Variants in TMPO observed in about 807,000 individuals in gnomAD.
The protein encoded by TMPO is thymopoietin, also known as LEM domain containing 4.
TMPO carries 22 observed loss-of-function variants against 45.4 expected under a neutral mutation model. The ratio of observed to expected loss-of-function variants is 0.48; its 90% CI spans 0.35 to 0.69. The LOEUF (loss-of-function observed/expected upper bound fraction) is 0.69. Ranked by LOEUF, TMPO falls within the 30% of genes least tolerant of loss-of-function variation. TMPO has a pLI of 0.01. For synonymous variants in TMPO, 241 were observed against 204.1 expected (o/e 1.18, Z -1.54); for missense variants, 512 against 548.8 (o/e 0.93, Z 0.67).
intron 3 of TMPO, chr12:98,534,515 TC>T (rs1877449837): frequency 7.0e-7 from 1 of 1,422,630 alleles, no homozygotes; most frequent in East Asian, 2.6e-5. Context: ...ACTTGTCTTT[TC>T]TAAAGATTTG....
intron 6 of TMPO, 82 bp downstream of exon 6, chr12:98,544,619 G>A: frequency 8.6e-7 from 1 of 1,162,224 alleles, no homozygotes; most frequent in Non-Finnish European, 1.2e-6. Context: ...GTGAATTTTG[G>A]CAAATCTCAA....
rs768496850 is a variant in TMPO, at chr12:98,516,055, C to T, written c.188C>T (p.Pro63Leu). ...LPAGTNSKGPPDFSSDEEREP... is the reference protein window; with the variant it reads ...LPAGTNSKGPLDFSSDEEREP... Reference sequence around the variant, plus strand: ...GCCGGCACCAACAGCAAGGGGCCCCCGGACTTCTCCAGTGACGAAGAGCGC... The same window carrying T: ...GCCGGCACCAACAGCAAGGGGCCCCTGGACTTCTCCAGTGACGAAGAGCGC... Residue 63 changes from proline (P) to leucine (L), a missense_variant, in exon 1 of 9, where the codon CCG becomes CTG. Coordinates refer to ENST00000556029, the MANE Select transcript of TMPO (RefSeq NM_001032283.3). 2 of 1,610,250 alleles carry T rather than the reference C, an allele frequency of 1.2e-6. No homozygotes were observed. Among genetic ancestry groups the T allele is most frequent in the Non-Finnish European group, 1.7e-6 (2 of 1,179,354 alleles).
In TMPO at chr12:98,549,217, TA is replaced by T. The variant is rs1185958808; in HGVS notation, c.*1360del. 2 of 152,176 alleles carry T rather than the reference TA, an allele frequency of 1.3e-5. No individual in the cohort carries two copies. Among genetic ancestry groups the T allele is most frequent in the Admixed American group, 1.3e-4 (2 of 15,276 alleles). The allele number at this position is 152,176 out of a possible 1,614,324, so 9.4% of individuals were successfully genotyped here. A position where few individuals can be genotyped will look rare whatever the true frequency, so the allele number is the denominator to read the frequency against. On this transcript the variant is annotated 3_prime_UTR_variant, in exon 9 of 9. Transcript: ENST00000556029. ...ACTCTTAAGAGGTGGGCATTATGAT[TA>T]TTTTTTATTTTTTTATTTTTTATGA...
At chr12:98,526,175 T>G (rs1876748538) in intron 1 of TMPO, among the ~76,000 whole-genome samples, 1 of 152,220 alleles carries the variant, frequency 6.6e-6, no homozygotes, top group South Asian at 2.1e-4. Context: ...AGTAAACTGG[T>G]GGTACAGAAG....
At position 98,537,578 on chromosome 12, in the gene TMPO, T is replaced by A. The variant is rs1252609922; in HGVS notation, c.663+6T>A. On this transcript the variant is annotated splice_donor_region_variant and intron_variant, in intron 4 of 8. Transcript: ENST00000556029. Reference sequence around the variant, plus strand: ...GAAGAGTTGAGCACAATCAGGTATCTTTAGTTTTATTACCACCGTGTACAG... The same window carrying A: ...GAAGAGTTGAGCACAATCAGGTATCATTAGTTTTATTACCACCGTGTACAG... The A allele has an allele frequency of 6.2e-7, 1 of 1,600,318 alleles. No homozygotes were observed. Among genetic ancestry groups the A allele is most frequent in the East Asian group, 2.2e-5 (1 of 44,534 alleles).
At chr12:98,545,930 A>G (rs191187969) in intron 7 of TMPO, among the ~76,000 whole-genome samples, 286 of 152,226 alleles carry the variant, frequency 1.9e-3, no homozygotes, top group Middle Eastern at 6.8e-3. Context: ...ATGGGATTTC[A>G]CTATGTTGGT....
rs1221595062 is a variant in TMPO at position 98,549,453 on chromosome 12, C to T, written c.*1595C>T. 1 of 109,762 alleles carries T rather than the reference C, an allele frequency of 9.1e-6. No homozygotes were observed. The highest frequency in any genetic ancestry group is 2.0e-5 in the Non-Finnish European group (1 of 50,170). The allele number at this position is 109,762 out of a possible 1,614,324, so 6.8% of individuals were successfully genotyped here. A position where few individuals can be genotyped will look rare whatever the true frequency, so the allele number is the denominator to read the frequency against. On this transcript the variant is annotated 3_prime_UTR_variant, in exon 9 of 9. Transcript: ENST00000556029. ...CTGGGATTACAGGTGTGATCCACTG[C>T]ACCCGGCCGGCATTATGATTTTGTG... is the stretch of plus-strand genomic sequence containing the variant.
rs1190563305 is a variant in TMPO at position 98,515,797 on chromosome 12, C to A, written c.-71C>A. The A allele has an allele frequency of 1.9e-6, 3 of 1,559,412 alleles. No individual in the cohort carries two copies. Among genetic ancestry groups the A allele is most frequent in the East Asian group, 4.9e-5 (2 of 41,104 alleles). On this transcript the variant is annotated 5_prime_UTR_variant, in exon 1 of 9. Coordinates refer to ENST00000556029, the MANE Select transcript of TMPO (RefSeq NM_001032283.3). ...TCGGAGGCGGCAGCGCGGTCCCCGGCCAGGAGCAAGCGCGCCGGCGTGAGC... is the reference window on the plus strand; with the variant it reads ...TCGGAGGCGGCAGCGCGGTCCCCGGACAGGAGCAAGCGCGCCGGCGTGAGC...
intron 1 of TMPO, among the ~76,000 whole-genome samples, chr12:98,524,179 C>T (rs1876588444): frequency 6.6e-6 from 1 of 152,216 alleles, no homozygotes; most frequent in Admixed American, 6.5e-5. Flanking sequence ...TGCCTCAATG[C>T]TGCATCCAGA....
At position 98,547,715 on chromosome 12, in the gene TMPO, G is replaced by A; in HGVS notation, c.1222G>A (p.Gly408Arg). The change falls in exon 9 of 9, where the codon GGA becomes AGA. Residue 408 changes from glycine (G) to arginine (R), a missense_variant. Physicochemically the swap from Gly to Arg is moderately radical, Grantham distance 125. Coordinates refer to ENST00000556029, the MANE Select transcript of TMPO (RefSeq NM_001032283.3). ...ADVKSEKTKK[G>R]RSIPVWIKIL... ...TGTCAAGTCAGAAAAGACAAAAAAG[G>A]GACGCTCCATTCCCGTATGGATAAA... 1 of 1,614,106 alleles carries A rather than the reference G, an allele frequency of 6.2e-7. No individual in the cohort carries two copies. Among genetic ancestry groups the A allele is most frequent in the South Asian group, 1.1e-5 (1 of 91,082 alleles).
chr12:98,518,468 A>ATGTTTTT (rs1876063619), intron 1 of TMPO, among the ~76,000 whole-genome samples: 1 of 82,018 alleles, frequency 1.2e-5, no homozygotes, highest in Non-Finnish European at 2.4e-5. Flanking sequence ...TAATTTTCTA[A>ATGTTTTT]TCTTTTTTTT....
At chr12:98,526,445 A>G (rs774185971) in intron 1 of TMPO, among the ~76,000 whole-genome samples, 1 of 152,194 alleles carries the variant, frequency 6.6e-6, no homozygotes, top group African/African-American at 2.4e-5. Flanking sequence ...TCATCTCTAG[A>G]TTACTTATAA....
intron 1 of TMPO, among the ~76,000 whole-genome samples, chr12:98,525,284 C>G (rs1212849830): frequency 6.6e-6 from 1 of 152,140 alleles, no homozygotes; most frequent in African/African-American, 2.4e-5. Context: ...TAAAAGTACT[C>G]TCACTGTAAC....
intron 4 of TMPO, among the ~76,000 whole-genome samples, chr12:98,543,204 A>G (rs572291704): frequency 3.2e-4 from 49 of 152,376 alleles, no homozygotes; most frequent in African/African-American, 1.2e-3. Context: ...ACCTAAAACC[A>G]TCAGTAATCT....
chr12:98,532,718 T>A, intron 3 of TMPO: 2 of 1,551,812 alleles, frequency 1.3e-6, no homozygotes, highest in Non-Finnish European at 1.8e-6. Context: ...AATATGAAAT[T>A]ATAGTCTTTT....
chr12:98,541,235 T>C (rs1407610499), intron 4 of TMPO, among the ~76,000 whole-genome samples: 1 of 152,238 alleles, frequency 6.6e-6, no homozygotes, highest in East Asian at 1.9e-4. Context: ...CGTGATCCTT[T>C]TAATAGATAA....
At chr12:98,538,455 C>T (rs1011099760) in intron 4 of TMPO, among the ~76,000 whole-genome samples, 3 of 152,132 alleles carry the variant, frequency 2.0e-5, no homozygotes, top group African/African-American at 4.8e-5. Flanking sequence ...TGGGCTCAAG[C>T]GATTCTCCTG....
chr12:98,534,525 T>C, intron 3 of TMPO: 1 of 1,408,288 alleles, frequency 7.1e-7, no homozygotes, highest in South Asian at 1.5e-5. Flanking sequence ...TCTAAAGATT[T>C]GCGTAGATAG....
chr12:98,545,202 AATT>A, intron 7 of TMPO, 141 bp downstream of exon 7: 1 of 653,282 alleles, frequency 1.5e-6, no homozygotes, highest in Admixed American at 2.8e-5. Flanking sequence ...AATATGCATA[AATT>A]ATTTTAAGGA....
Sources: allele counts gnomAD v4.1 joint callset (sites outside exome capture counted in the v4.1 genomes callset), GRCh38; gene constraint gnomAD v4.1.1; transcripts MANE v1.5; gene names NCBI Gene and HGNC (gene_info 2026-07-23, HGNC 2026-07-21).